WDR64: variants seen among roughly 807,000 people sequenced by gnomAD.
WDR64 encodes WD repeat domain 64, also known as WD repeat-containing protein 64.
A neutral mutation model predicts 139.3 loss-of-function variants in WDR64; 112 were observed. The observed-to-expected ratio is 0.80, with a 90% CI of 0.69 to 0.94. WDR64 has a LOEUF of 0.94. WDR64 is among the 40% of genes least tolerant of loss of function. WDR64 has a pLI of 0.00. For missense variants in WDR64, 1,206 were observed against 1,293.1 expected (o/e 0.93, Z 1.03); for synonymous variants, 444 against 437.7 (o/e 1.01, Z -0.18).
At chr1:241,747,725 T>C (rs1037372190) in intron 13 of WDR64, among the ~76,000 whole-genome samples, 25 of 152,052 alleles carry the variant, frequency 1.6e-4, no homozygotes, top group African/African-American at 6.0e-4. Flanking sequence ...CTTGAACCTA[T>C]GCGAGAATCG....
At chr1:241,659,123 T>C (rs1665726384) in intron 1 of WDR64, among the ~76,000 whole-genome samples, 1 of 152,180 alleles carries the variant, frequency 6.6e-6, no homozygotes. Flanking sequence ...TGTGTTCTCA[T>C]CATTCAGCTC....
intron 14 of WDR64, among the ~76,000 whole-genome samples, chr1:241,756,935 A>C (rs1191596306): frequency 6.6e-6 from 1 of 152,232 alleles, no homozygotes; most frequent in Non-Finnish European, 1.5e-5. Context: ...TCTCAAAAAC[A>C]TCCTATTGAG....
chr1:241,787,900 G>T lies in WDR64; in HGVS notation c.2757G>T (p.Arg919Ser), dbSNP rs752946951. Residue 919 changes from arginine (R) to serine (S), a missense_variant, in exon 24 of 28, where the codon AGG becomes AGT. Coordinates refer to ENST00000437684, the MANE Select transcript of WDR64 (RefSeq NM_001367482.1). ...ATTGTGGATATTTTGGACAGCGAAG[G>T]CTCTTTGAATTATCACAGACAAGAG... ...GHYCGYFGQRRLFELSQTRDF... is the reference protein window; with the variant it reads ...GHYCGYFGQRSLFELSQTRDF... The T allele has an allele frequency of 1.2e-6, 2 of 1,611,882 alleles. No homozygotes were observed. The highest frequency in any genetic ancestry group is 1.7e-6 in the Non-Finnish European group (2 of 1,179,242).
intron 15 of WDR64, among the ~76,000 whole-genome samples, chr1:241,758,383 A>T (rs191494992): frequency 7.9e-5 from 12 of 151,508 alleles, no homozygotes; most frequent in African/African-American, 2.4e-4. Flanking sequence ...ATTCAAAGTC[A>T]CCATACTGCC....
At chr1:241,686,088 A>G (rs1035221363) in intron 7 of WDR64, among the ~76,000 whole-genome samples, 1 of 152,230 alleles carries the variant, frequency 6.6e-6, no homozygotes, top group African/African-American at 2.4e-5. Context: ...ATATTCATGT[A>G]GATGATTTAA....
chr1:241,774,141 G>A (rs1658562716), intron 20 of WDR64, among the ~76,000 whole-genome samples: 3 of 152,152 alleles, frequency 2.0e-5, no homozygotes, highest in African/African-American at 2.4e-5. Context: ...GAAAAACAGA[G>A]GAGGTGACCT....
At chr1:241,720,418 C>T (rs1668563102) in intron 9 of WDR64, among the ~76,000 whole-genome samples, 1 of 152,132 alleles carries the variant, frequency 6.6e-6, no homozygotes, top group Non-Finnish European at 1.5e-5. Flanking sequence ...ACACTCCCAC[C>T]AACACTGTAA....
intron 14 of WDR64, among the ~76,000 whole-genome samples, chr1:241,755,757 C>T (rs141808936): frequency 0.017 from 2,605 of 152,200 alleles, 25 homozygotes; most frequent in Non-Finnish European, 0.024. Context: ...GGAAGGGGTC[C>T]AGTTTCAGTT....
chr1:241,774,613 C>T (rs1488552936), intron 20 of WDR64, among the ~76,000 whole-genome samples: 1 of 151,956 alleles, frequency 6.6e-6, no homozygotes, highest in East Asian at 1.9e-4. Flanking sequence ...TTGTCTTGCA[C>T]CAGTATTAAA....
intron 22 of WDR64, among the ~76,000 whole-genome samples, chr1:241,781,379 G>C (rs1658838272): frequency 1.3e-5 from 2 of 151,954 alleles, no homozygotes; most frequent in Admixed American, 6.6e-5. Context: ...TTTGTACATG[G>C]CTGCCTATTT....
chr1:241,677,961 C>T (rs1666620988), intron 4 of WDR64, among the ~76,000 whole-genome samples: 1 of 152,122 alleles, frequency 6.6e-6, no homozygotes, highest in Non-Finnish European at 1.5e-5. Flanking sequence ...GCACAGTCAC[C>T]AGGTTTAACA....
chr1:241,766,486 A>G (rs1574081156), intron 16 of WDR64, 135 bp downstream of exon 16: 2 of 976,306 alleles, frequency 2.0e-6, no homozygotes, highest in Non-Finnish European at 2.9e-6. Context: ...GGATCACTTA[A>G]GGCCAGGAGT....
chr1:241,702,034 T>C (rs1667732649), intron 8 of WDR64, among the ~76,000 whole-genome samples: 1 of 152,198 alleles, frequency 6.6e-6, no homozygotes, highest in Non-Finnish European at 1.5e-5. Flanking sequence ...TGTAATTTTG[T>C]ATGGTAATTT....
chr1:241,772,601 T>C (rs1036678286), intron 19 of WDR64, among the ~76,000 whole-genome samples, 191 bp from the exon 20 acceptor site: 1 of 151,490 alleles, frequency 6.6e-6, no homozygotes, highest in Non-Finnish European at 1.5e-5. Flanking sequence ...TAGCTGGGAT[T>C]ACAGGCGCCC....
rs1558526558 is a variant in WDR64 at position 241,790,580 on chromosome 1, T to G, written c.2892-11T>G. 1 of 1,599,956 alleles carries G rather than the reference T, an allele frequency of 6.3e-7. No homozygotes were observed. Among genetic ancestry groups the G allele is most frequent in the African/African-American group, 1.4e-5 (1 of 74,058 alleles). ...ATGGGTATGTACTTATTCTTGTATCTTTATATGCAGATGGAGAAAAATGAG... is the reference window on the plus strand; with the variant it reads ...ATGGGTATGTACTTATTCTTGTATCGTTATATGCAGATGGAGAAAAATGAG... On this transcript the variant is annotated splice_polypyrimidine_tract_variant and intron_variant, in intron 24 of 27. Transcript: ENST00000437684.
intron 8 of WDR64, among the ~76,000 whole-genome samples, chr1:241,702,812 G>A (rs1667772500): frequency 6.6e-6 from 1 of 152,214 alleles, no homozygotes; most frequent in African/African-American, 2.4e-5. Context: ...AGCTGTAAGG[G>A]AATCACAGCC....
At chr1:241,741,734 A>G (rs1021565742) in intron 12 of WDR64, 70 bp downstream of exon 12, 3 of 1,434,908 alleles carry the variant, frequency 2.1e-6, no homozygotes, top group Non-Finnish European at 2.8e-6. Context: ...CTTAAAATAA[A>G]TCATTGAGTG....
intron 15 of WDR64, among the ~76,000 whole-genome samples, chr1:241,763,573 C>T (rs1057400037): frequency 6.6e-6 from 1 of 152,106 alleles, no homozygotes; most frequent in African/African-American, 2.4e-5. Flanking sequence ...GGTATGGTGG[C>T]GTACGCCTGT....
chr1:241,728,436 C>T (rs1221164625), intron 10 of WDR64, among the ~76,000 whole-genome samples: 1 of 151,854 alleles, frequency 6.6e-6, no homozygotes, highest in Non-Finnish European at 1.5e-5. Context: ...CAGACAACAT[C>T]CCTTCAAACT....
Sources: gnomAD v4.1 joint callset for allele counts (sites outside exome capture counted in the v4.1 genomes callset) on GRCh38, gnomAD v4.1.1 for gene constraint, MANE v1.5 for transcripts, NCBI Gene and HGNC (gene_info 2026-07-23, HGNC 2026-07-21) for gene names.